The following USP50 variants were observed in gnomAD, a reference collection of about 807,000 sequenced individuals.
The protein encoded by USP50 is ubiquitin specific peptidase 50, also known as ubiquitin carboxyl-terminal hydrolase 50.
USP50 carries 37 observed loss-of-function variants against 39.2 expected under a neutral mutation model. The ratio of observed to expected loss-of-function variants is 0.94; its 90% CI spans 0.73 to 1.24. The LOEUF is 1.24. Ranked by LOEUF, USP50 falls within the 50% of genes most tolerant of loss-of-function variation. The pLI, the probability that USP50 is intolerant of heterozygous loss-of-function variation, is 0.00. For synonymous variants in USP50, 139 were observed against 144.5 expected (o/e 0.96, Z 0.27); for missense variants, 374 against 398.2 (o/e 0.94, Z 0.52).
At chr15:50,537,721 G>A (rs932717202) in intron 5 of USP50, among the ~76,000 whole-genome samples, 12 of 151,242 alleles carry the variant, frequency 7.9e-5, no homozygotes, top group South Asian at 2.1e-4. Flanking sequence ...TTAGCTGGGC[G>A]TGGTGGCGGG....
rs759602045 is a variant in USP50, at chr15:50,541,018, G to A, written c.660+31C>T. ...AAATCCGGGGCTGAGAGTATAGCGA[G>A]ACAAAGTGTCCAGGAATACTGCATT... On this transcript the variant is annotated intron_variant, in intron 4 of 6. Coordinates refer to ENST00000532404, the MANE Select transcript of USP50 (RefSeq NM_203494.5). The A allele has an allele frequency of 6.4e-6, 10 of 1,561,342 alleles. No individual in the cohort carries two copies. The South Asian group carries it at 1.0e-4, about 16-fold the overall frequency.
intron 6 of USP50, chr15:50,509,304 G>T (rs913952360): frequency 6.6e-6 from 1 of 151,904 alleles, no homozygotes; most frequent in African/African-American, 2.4e-5. Context: ...GAGACAGAGT[G>T]AGACCCTCTC....
intron 2 of USP50, among the ~76,000 whole-genome samples, chr15:50,544,339 G>A (rs1389086519): frequency 6.6e-6 from 1 of 151,636 alleles, no homozygotes; most frequent in Non-Finnish European, 1.5e-5. Flanking sequence ...TCCAGCCTGG[G>A]CAACAGAACG....
chr15:50,537,906 GAGGGAAGGGAAGGGAAGGGA>G (rs1207629105), intron 5 of USP50, among the ~76,000 whole-genome samples: 99 of 7,888 alleles, frequency 0.013, 1 homozygote, highest in African/African-American at 0.041. Flanking sequence ...GAGGGAAGGG[GAGGGAAGGGAAGGGAAGGGA>G]AGGGAAGGGA....
chr15:50,496,143 T>TATAG, downstream of USP50: 1 of 1,338,422 alleles, frequency 7.5e-7, no homozygotes, highest in Non-Finnish European at 1.0e-6. Flanking sequence ...TTTTTATGGA[T>TATAG]ATAGAGATGT....
intron 6 of USP50, among the ~76,000 whole-genome samples, chr15:50,523,398 C>A (rs943089927): frequency 1.3e-5 from 2 of 151,784 alleles, no homozygotes; most frequent in East Asian, 3.9e-4. Context: ...GTCTTGAACT[C>A]CCGGACTCAA....
chr15:50,499,128 C>T (rs1039985771), downstream of USP50: 2 of 1,526,930 alleles, frequency 1.3e-6, no homozygotes, highest in Non-Finnish European at 1.8e-6. Context: ...TTAAAAGGCT[C>T]AGCAACACAA....
At chr15:50,545,303 T>C (rs1053024267) in intron 1 of USP50, among the ~76,000 whole-genome samples, 1 of 151,930 alleles carries the variant, frequency 6.6e-6, no homozygotes, top group Non-Finnish European at 1.5e-5. Flanking sequence ...ACATGCATTT[T>C]CCCATTAAAT....
At chr15:50,527,927 A>C (rs573910333) in intron 6 of USP50, among the ~76,000 whole-genome samples, 23 of 152,008 alleles carry the variant, frequency 1.5e-4, no homozygotes, top group Non-Finnish European at 2.9e-4. Context: ...GTGAGCCACC[A>C]TGCTCAACCT....
chr15:50,498,814 A>G, downstream of USP50: 1 of 1,549,488 alleles, frequency 6.5e-7, no homozygotes. Context: ...ATGGAAGAGT[A>G]AGAACAACAT....
intron 2 of USP50, chr15:50,544,069 T>A (rs774219259): frequency 5.1e-5 from 21 of 414,034 alleles, no homozygotes; most frequent in Non-Finnish European, 9.0e-5. Flanking sequence ...GGCTCACACC[T>A]GTAATGCCAG....
chr15:50,509,132 C>CAAAAAAAAAAAAAAA (rs57125859), intron 6 of USP50: 1 of 41,378 alleles, frequency 2.4e-5, no homozygotes, highest in Non-Finnish European at 4.1e-5. Flanking sequence ...GACTCCGTCA[C>CAAAAAAAAAAAAAAA]AAAAAAAAAA....
At chr15:50,498,019 G>A (rs2052482392), downstream of USP50, among the ~76,000 whole-genome samples, 1 of 152,024 alleles carries the variant, frequency 6.6e-6, no homozygotes, top group South Asian at 2.1e-4. Context: ...TGAGGATTCT[G>A]GAAGTATAAA....
chr15:50,529,849 T>C lies in USP50; in HGVS notation c.884A>G (p.Tyr295Cys), dbSNP rs757213700. Reference sequence around the variant, plus strand: ...ATATTTCCGGAAAATTGAGCAAATATAAGGAGTGAGGTCCAAGTTAGTGAG... The same window carrying C: ...ATATTTCCGGAAAATTGAGCAAATACAAGGAGTGAGGTCCAAGTTAGTGAG... ...YPLTNLDLTPYICSIFRKYPK... is the reference protein window; with the variant it reads ...YPLTNLDLTPCICSIFRKYPK... Residue 295 changes from tyrosine (Y) to cysteine (C), a missense_variant, in exon 6 of 7, where the codon TAT (tyrosine) becomes TGT (cysteine). Transcript: ENST00000532404. 1.9e-6 allele frequency: 3 copies of C among 1,613,816 alleles called. No homozygotes were observed. Among genetic ancestry groups the C allele is most frequent in the East Asian group, 2.2e-5 (1 of 44,880 alleles).
At chr15:50,509,906 T>C (rs1459320304) in intron 6 of USP50, 4 of 152,102 alleles carry the variant, frequency 2.6e-5, no homozygotes, top group Admixed American at 1.3e-4. Flanking sequence ...ATCGAAATAC[T>C]ACTGAAAAAT....
downstream of USP50, chr15:50,497,036 CATT>C: frequency 1.3e-6 from 2 of 1,553,062 alleles, no homozygotes; most frequent in Non-Finnish European, 1.7e-6. Context: ...TGCTCTCTGA[CATT>C]ATTGAAGAAT....
chr15:50,534,472 A>C (rs2052964677), intron 5 of USP50, among the ~76,000 whole-genome samples: 1 of 152,244 alleles, frequency 6.6e-6, no homozygotes, highest in African/African-American at 2.4e-5. Flanking sequence ...AGGGCAACAA[A>C]TAGCAGTAAC....
chr15:50,546,388 A>G, intron 1 of USP50, 85 bp downstream of exon 1: 1 of 1,428,348 alleles, frequency 7.0e-7, no homozygotes. Context: ...ACCCTCCTGA[A>G]TGCAGTGTGT....
At chr15:50,493,742 T>TATC (rs552762833), downstream of USP50, 281 of 400,568 alleles carry the variant, frequency 7.0e-4, 1 homozygote, top group Non-Finnish European at 1.3e-3. Flanking sequence ...AATGAGACCC[T>TATC]ATCTCAAAAA....
Sources: allele counts gnomAD v4.1 joint callset (sites outside exome capture counted in the v4.1 genomes callset), GRCh38; gene constraint gnomAD v4.1.1; transcripts MANE v1.5; gene names NCBI Gene and HGNC (gene_info 2026-07-23, HGNC 2026-07-21).